CTBP2: variants seen among roughly 807,000 people sequenced by gnomAD.
The protein encoded by CTBP2 is C-terminal binding protein 2, also known as C-terminal-binding protein 2.
Under a neutral mutation model 80.3 loss-of-function variants are expected in CTBP2, and 30 were observed. The ratio of observed to expected loss-of-function variants is 0.37; its 90% confidence interval spans 0.28 to 0.51. The LOEUF (loss-of-function observed/expected upper bound fraction) is 0.51. Ranked by LOEUF, CTBP2 falls within the 20% of genes least tolerant of loss-of-function variation. The pLI, the probability that CTBP2 is intolerant of heterozygous loss-of-function variation, is 0.93. For missense variants in CTBP2, 1,212 were observed against 1,375.3 expected (o/e 0.88, Z 1.88); for synonymous variants, 594 against 587.4 (o/e 1.01, Z -0.16).
At chr10:125,050,823 T>G (rs960331001) in intron 2 of CTBP2, among the ~76,000 whole-genome samples, 45 of 152,012 alleles carry the variant, frequency 3.0e-4, no homozygotes, top group African/African-American at 1.1e-3. Flanking sequence ...TGGAAAGAGG[T>G]TGCTGGGGAG....
intron 1 of CTBP2, among the ~76,000 whole-genome samples, chr10:125,155,219 G>A (rs558313895): frequency 6.4e-4 from 97 of 152,296 alleles, no homozygotes; most frequent in African/African-American, 2.3e-3. Flanking sequence ...CTCCATGCCC[G>A]GCAAAGACGG....
intron 1 of CTBP2, among the ~76,000 whole-genome samples, chr10:125,124,993 C>T (rs953797353): frequency 2.6e-5 from 4 of 152,160 alleles, no homozygotes; most frequent in Non-Finnish European, 5.9e-5. Flanking sequence ...TACAGACGCA[C>T]GGCACTCAGA....
intron 1 of CTBP2, among the ~76,000 whole-genome samples, chr10:125,007,020 C>G (rs3781435): frequency 1.3e-5 from 2 of 152,188 alleles, no homozygotes; most frequent in Non-Finnish European, 2.9e-5. Context: ...TACCACGGTG[C>G]GCAACCACGA....
chr10:125,089,674 G>A (rs1848491534), intron 2 of CTBP2, among the ~76,000 whole-genome samples: 1 of 152,222 alleles, frequency 6.6e-6, no homozygotes. Flanking sequence ...GATGCTTCCA[G>A]GAGGCGGAAG....
At chr10:125,053,875 G>A (rs574280998) in intron 2 of CTBP2, among the ~76,000 whole-genome samples, 2 of 152,324 alleles carry the variant, frequency 1.3e-5, no homozygotes, top group East Asian at 3.9e-4. Flanking sequence ...CAAGAAACCA[G>A]GGACCCGGCA....
chr10:125,152,684 T>G (rs2133435415), intron 1 of CTBP2, among the ~76,000 whole-genome samples: 1 of 152,258 alleles, frequency 6.6e-6, no homozygotes, highest in Non-Finnish European at 1.5e-5. Context: ...CAAAATATAC[T>G]CTTTATTGAT....
Position 124,997,359 on chromosome 10 carries a change from G to A in CTBP2, c.2185+605C>T, listed in dbSNP as rs7916617. On this transcript the variant is annotated intron_variant, in intron 4 of 8. Coordinates refer to ENST00000309035, the MANE Select transcript of CTBP2 (RefSeq NM_022802.3). The stretch of plus-strand genomic sequence containing the variant: ...TGGTGAGCAGGGTGGGGACCTCCTC[G>A]AGCCCCCATGGAATCAGGCTGCTTA... The A allele has an allele frequency of 6.1e-3, 949 of 154,644 alleles. 14 individuals carry two copies. The highest frequency in any genetic ancestry group is 0.021 in the African/African-American group (891 of 41,496). The allele number at this position is 154,644 out of a possible 1,614,324, so 9.6% of individuals were successfully genotyped here.
chr10:125,070,349 T>TCAAA (rs1384229599), intron 2 of CTBP2, among the ~76,000 whole-genome samples: 2 of 151,978 alleles, frequency 1.3e-5, no homozygotes, highest in East Asian at 1.9e-4. Context: ...AGACTCTGTC[T>TCAAA]CAAACAAACA....
At chr10:125,020,850 G>A (rs560400473) in intron 1 of CTBP2, among the ~76,000 whole-genome samples, 94 of 152,256 alleles carry the variant, frequency 6.2e-4, no homozygotes, top group African/African-American at 1.9e-3. Context: ...CTGCGCTGTC[G>A]AGGGGGACAC....
At chr10:125,098,671 A>G (rs1211165620) in intron 2 of CTBP2, among the ~76,000 whole-genome samples, 3 of 110,954 alleles carry the variant, frequency 2.7e-5, no homozygotes, top group East Asian at 4.6e-4. Flanking sequence ...AGAGAGAGAG[A>G]GAGAGAGAGA....
At chr10:125,143,046 C>A (rs190546680) in intron 1 of CTBP2, among the ~76,000 whole-genome samples, 1 of 152,288 alleles carries the variant, frequency 6.6e-6, no homozygotes, top group East Asian at 1.9e-4. Context: ...TCTGCCCACC[C>A]CAGCTCGCGG....
At chr10:124,998,219 T>C (rs780713133) in intron 3 of CTBP2, 49 bp from the exon 6 acceptor site, 2 of 1,553,540 alleles carry the variant, frequency 1.3e-6, no homozygotes, top group Non-Finnish European at 1.7e-6. Flanking sequence ...TCAAGATCAG[T>C]GGGGAAGCCC....
intron 1 of CTBP2, among the ~76,000 whole-genome samples, chr10:125,004,434 G>A (rs1433446262): frequency 6.6e-6 from 1 of 151,714 alleles, no homozygotes; most frequent in Non-Finnish European, 1.5e-5. Flanking sequence ...CAGAGACAGA[G>A]AAGCAGCATT....
chr10:125,158,373 G>A (rs1861309652), intron 1 of CTBP2, among the ~76,000 whole-genome samples: 1 of 152,130 alleles, frequency 6.6e-6, no homozygotes, highest in African/African-American at 2.4e-5. Context: ...AGTTAGAAAG[G>A]CAGAAAGAAT....
chr10:125,124,393 C>T (rs1288032285), intron 1 of CTBP2, among the ~76,000 whole-genome samples: 3 of 152,186 alleles, frequency 2.0e-5, no homozygotes, highest in South Asian at 2.1e-4. Flanking sequence ...TTGCTGTTTC[C>T]GCCTTTATTA....
In CTBP2 at chr10:125,003,467, G is replaced by A. The variant is rs1305832306; in HGVS notation, c.1704C>T (p.Gly568=). Residue 568 remains glycine, a synonymous_variant, in exon 2 of 9, where the codon GGC becomes GGT. Coordinates refer to ENST00000309035, the MANE Select transcript of CTBP2 (RefSeq NM_022802.3). ...CCACCAGGGGGCGGGGGTGCAGGGG[G>A]CCGTTCATGATCTGGGGGCGGATAC... 2 of 1,575,052 alleles carry A rather than the reference G, an allele frequency of 1.3e-6. No homozygotes were observed. Among genetic ancestry groups the A allele is most frequent in the South Asian group, 1.2e-5 (1 of 86,574 alleles).
At chr10:125,044,897 TTACTAAAACTGTACTTTA>T (rs1315990574) in intron 2 of CTBP2, among the ~76,000 whole-genome samples, 2 of 152,136 alleles carry the variant, frequency 1.3e-5, no homozygotes, top group Non-Finnish European at 2.9e-5. Context: ...AATAACAAAA[TTACTAAAACTGTACTTTA>T]AAGGAAGGAA....
chr10:125,051,429 C>T (rs1169021460), intron 2 of CTBP2, among the ~76,000 whole-genome samples: 1 of 152,218 alleles, frequency 6.6e-6, no homozygotes, highest in African/African-American at 2.4e-5. Flanking sequence ...CACTTGAGGT[C>T]AGGAGTTTGA....
In CTBP2 at chr10:124,993,934, C is replaced by T; in HGVS notation, c.2452G>A (p.Glu818Lys). 1 of 1,614,194 alleles carries T rather than the reference C, an allele frequency of 6.2e-7. No individual in the cohort carries two copies. The highest frequency in any genetic ancestry group is 8.5e-7 in the Non-Finnish European group (1 of 1,180,050). Residue 818 changes from glutamate (E) to lysine (K), a missense_variant, in exon 6 of 9, where the codon GAG becomes AAG. Physicochemically the swap from Glu to Lys is moderately conservative, Grantham distance 56. This residue lies in a region of CTBP2 where 335 missense variants were observed against 504.7 expected (regional missense o/e 0.66). Coordinates refer to ENST00000309035, the MANE Select transcript of CTBP2 (RefSeq NM_022802.3). ...TTGAGGGCTTGTGCTAAGGCTTTCT[C>T]GTCCACCAGGCCGCCACGGGCTGCG...
Sources: allele counts gnomAD v4.1 joint callset (sites outside exome capture counted in the v4.1 genomes callset), GRCh38; gene constraint gnomAD v4.1.1; regional missense constraint gnomAD v4.1.1; transcripts MANE v1.5; gene names NCBI Gene and HGNC (gene_info 2026-07-23, HGNC 2026-07-21).